Variants in ZNF3 observed in about 807,000 individuals in gnomAD.
The protein encoded by ZNF3 is zinc finger protein 3, also known as C2-H2 type zinc finger protein.
A neutral mutation model predicts 36.9 loss-of-function variants in ZNF3; 16 were observed. The ratio of observed to expected loss-of-function variants is 0.43; its 90% CI spans 0.29 to 0.66. The LOEUF (loss-of-function observed/expected upper bound fraction) is 0.66. Ranked by LOEUF, ZNF3 falls within the 30% of genes least tolerant of loss-of-function variation. The pLI is 0.13. For missense variants in ZNF3, 462 were observed against 543.1 expected, an observed-to-expected ratio of 0.85 and a Z score of 1.48; for synonymous variants, 201 against 201.9, an observed-to-expected ratio of 1.00 and a Z score of 0.04.
At chr7:100,082,575 A>G (rs1326366655), upstream of ZNF3, 3 of 151,224 alleles carry the variant, frequency 2.0e-5, no homozygotes, top group Non-Finnish European at 4.4e-5. Flanking sequence ...ACAGAGTGAG[A>G]CTGTCTCAAA....
rs924650324 is a variant in ZNF3 at position 100,070,078 on chromosome 7, G to A, written c.*1065C>T. On this transcript the variant is annotated 3_prime_UTR_variant, in exon 6 of 6. Coordinates refer to ENST00000299667, the MANE Select transcript of ZNF3 (RefSeq NM_032924.5). ...GTCATCCCGTCGGTTGGGAAAACTCGGGGAGTGCCATCCTCACCCAGCAAC... is the reference window on the plus strand; with the variant it reads ...GTCATCCCGTCGGTTGGGAAAACTCAGGGAGTGCCATCCTCACCCAGCAAC... 1.7e-5 allele frequency: 17 copies of A among 985,748 alleles called. No individual in the cohort carries two copies. The highest frequency in any genetic ancestry group is 5.2e-5 in the African/African-American group (3 of 57,246). The allele number at this position is 985,748 out of a possible 1,614,324, so 61.1% of individuals were successfully genotyped here. A position where few individuals can be genotyped will look rare whatever the true frequency, so the allele number is the denominator to read the frequency against.
Position 100,070,737 on chromosome 7 carries a change from C to T in ZNF3, c.*406G>A. 1 of 1,008,820 alleles carries T rather than the reference C, an allele frequency of 9.9e-7. No individual in the cohort carries two copies. The highest frequency in any genetic ancestry group is 1.2e-6 in the Non-Finnish European group (1 of 843,270). The allele number at this position is 1,008,820 out of a possible 1,614,324, so 62.5% of individuals were successfully genotyped here. ...CTTTGAAATAGTCTCCCTTTACCCT[C>T]CCTAGCAAATAACAGGACCCAGAGC... On this transcript the variant is annotated 3_prime_UTR_variant, in exon 6 of 6. Coordinates refer to ENST00000299667, the MANE Select transcript of ZNF3 (RefSeq NM_032924.5).
At position 100,064,350 on chromosome 7, in the gene ZNF3, G is replaced by A; in HGVS notation, c.*438C>T. On this transcript the variant is annotated 3_prime_UTR_variant, in exon 6 of 6. Coordinates refer to the ZNF3 transcript ENST00000413658. Reference sequence around the variant, plus strand: ...GTCACTATCGGATCCACACTGGGGAGAAGCCTTATCAGTGTAACGAATGTG... The same window carrying A: ...GTCACTATCGGATCCACACTGGGGAAAAGCCTTATCAGTGTAACGAATGTG... 1.9e-6 allele frequency: 3 copies of A among 1,614,192 alleles called. No homozygotes were observed. In the South Asian group the frequency reaches 3.3e-5, roughly 18 times the overall value.
In ZNF3 at chr7:100,070,569, A is replaced by T; in HGVS notation, c.*574T>A. ...GGCTGCTCCAAGAGCCCTAAAGGAC[A>T]CCATCATCACAGATGATGATTCTGG... On this transcript the variant is annotated 3_prime_UTR_variant, in exon 6 of 6. Transcript: ENST00000299667. 4 of 986,248 alleles carry T rather than the reference A, an allele frequency of 4.1e-6. No homozygotes were observed. Among genetic ancestry groups the T allele is most frequent in the Non-Finnish European group, 4.8e-6 (4 of 830,568 alleles). 61.1% of individuals were successfully genotyped at this position (986,248 alleles called of 1,614,324 possible). A position where few individuals can be genotyped will look rare whatever the true frequency, so the allele number is the denominator to read the frequency against.
chr7:100,070,370 A>G lies in ZNF3; in HGVS notation c.*773T>C, dbSNP rs1303799062. ...AATCATTTTCATCATTGGAGTGGGA[A>G]GAGGACAAGAGAGGACAGCAATCAG... On this transcript the variant is annotated 3_prime_UTR_variant, in exon 6 of 6. Coordinates refer to ENST00000299667, the MANE Select transcript of ZNF3 (RefSeq NM_032924.5). 1.0e-6 allele frequency: 1 copy of G among 985,312 alleles called. No individual in the cohort carries two copies. Among genetic ancestry groups the G allele is most frequent in the Non-Finnish European group, 1.2e-6 (1 of 829,964 alleles). The allele number at this position is 985,312 out of a possible 1,614,324, so 61.0% of individuals were successfully genotyped here.
chr7:100,068,438 C>T (rs1792756130), downstream of ZNF3, among the ~76,000 whole-genome samples: 1 of 151,938 alleles, frequency 6.6e-6, no homozygotes, highest in South Asian at 2.1e-4. Flanking sequence ...CTTTCGGAGG[C>T]CGAGGCAGGC....
At position 100,075,549 on chromosome 7, in the gene ZNF3, T is replaced by C. The variant is rs202044334; in HGVS notation, c.137A>G (p.Lys46Arg). 6.2e-7 allele frequency: 1 copy of C among 1,614,130 alleles called. No individual in the cohort carries two copies. Among genetic ancestry groups the C allele is most frequent in the African/African-American group, 1.3e-5 (1 of 75,038 alleles). ...AACGGAACCACAGCTCACCTGGGAC[T>C]TGGCCTTTAGGAGCGCAGCCGCCAA... ...EMLAAALLKA[K>R]SQELVTFEDV... The change falls in exon 4 of 6, where the codon AAG (lysine) becomes AGG (arginine). Residue 46 changes from lysine to arginine, a missense_variant. Lys to Arg is a conservative substitution (Grantham distance 26). Coordinates refer to ENST00000299667, the MANE Select transcript of ZNF3 (RefSeq NM_032924.5).
In ZNF3 at chr7:100,070,915, A is replaced by ACTGGTCCCAGAGCTGCTTT. The variant is rs1793027457; in HGVS notation, c.*209_*227dup. ...GCAAACTCCTTTCCTAAATGGGGTAACTGGTCCCAGAGCTGCTTTCTATTC... is the reference window on the plus strand; with the variant it reads ...GCAAACTCCTTTCCTAAATGGGGTAACTGGTCCCAGAGCTGCTTTCTGGTCCCAGAGCTGCTTTCTATTC... On this transcript the variant is annotated 3_prime_UTR_variant, in exon 6 of 6. Transcript: ENST00000299667. 6.8e-6 allele frequency: 9 copies of ACTGGTCCCAGAGCTGCTTT among 1,329,316 alleles called. No individual in the cohort carries two copies. The highest frequency in any genetic ancestry group is 7.7e-6 in the Non-Finnish European group (8 of 1,044,014). 82.3% of individuals were successfully genotyped at this position (1,329,316 alleles called of 1,614,324 possible). A position where few individuals can be genotyped will look rare whatever the true frequency, so the allele number is the denominator to read the frequency against.
downstream of ZNF3, chr7:100,065,112 T>C: frequency 1.2e-6 from 1 of 841,326 alleles, no homozygotes; most frequent in South Asian, 1.9e-5. Context: ...AAACTATTCC[T>C]ACTGGTTTAG....
Position 100,070,407 on chromosome 7 carries a change from A to C in ZNF3, c.*736T>G. 1 of 985,442 alleles carries C rather than the reference A, an allele frequency of 1.0e-6. No homozygotes were observed. Among genetic ancestry groups the C allele is most frequent in the Non-Finnish European group, 1.2e-6 (1 of 829,962 alleles). The allele number at this position is 985,442 out of a possible 1,614,324, so 61.0% of individuals were successfully genotyped here. The stretch of plus-strand genomic sequence containing the variant: ...AGGACAGCAATCAGAGGCCAACGCT[A>C]AGTGCTTCTGACCCTCTCCCTCACA... On this transcript the variant is annotated 3_prime_UTR_variant, in exon 6 of 6. Transcript: ENST00000299667.
chr7:100,064,084 A>C, exon 6 of ZNF3: 1 of 1,614,178 alleles, frequency 6.2e-7, no homozygotes, highest in Non-Finnish European at 8.5e-7. Context: ...CAAACACAGG[A>C]GAACACACAC....
chr7:100,071,520 T>C lies in ZNF3; in HGVS notation c.964A>G (p.Ser322Gly). 1 of 1,614,176 alleles carries C rather than the reference T, an allele frequency of 6.2e-7. No individual in the cohort carries two copies. Among genetic ancestry groups the C allele is most frequent in the Non-Finnish European group, 8.5e-7 (1 of 1,180,032 alleles). Residue 322 changes from serine to glycine, a missense_variant, in exon 6 of 6, where the codon AGC (serine) becomes GGC (glycine). Ser to Gly is a moderately conservative substitution (Grantham distance 56). Coordinates refer to ENST00000299667, the MANE Select transcript of ZNF3 (RefSeq NM_032924.5). Reference protein sequence around the residue: ...YACNECGKAFSRSSTLIHHQR... With the variant: ...YACNECGKAFGRSSTLIHHQR... ...TGGTGAATAAGGGTTGAGCTCCTGCTGAAGGCCTTCCCACATTCATTGCAG... is the reference window on the plus strand; with the variant it reads ...TGGTGAATAAGGGTTGAGCTCCTGCCGAAGGCCTTCCCACATTCATTGCAG...
intron 2 of ZNF3, chr7:100,079,002 G>A (rs774569410): frequency 2.6e-5 from 4 of 152,186 alleles, no homozygotes; most frequent in East Asian, 1.9e-4. Context: ...TCTGGTCTTC[G>A]GGTAGCAGGG....
chr7:100,080,993 T>A lies in ZNF3; in HGVS notation c.-198+642A>T, dbSNP rs548300838. Among the ~76,000 whole-genome samples the A allele has an allele frequency of 1.8e-3, 273 of 152,108 alleles. 1 individual carries two copies. The highest frequency in any genetic ancestry group is 6.8e-3 in the Middle Eastern group (2 of 294). ...ATCACTCTGCTATCTTCTCCTGGAG[T>A]TTACAAAAGCCCTTCAGAGTGTAAA... On this transcript the variant is annotated intron_variant, in intron 1 of 5. Coordinates refer to ENST00000299667, the MANE Select transcript of ZNF3 (RefSeq NM_032924.5).
At chr7:100,068,321 C>G (rs1021277636), downstream of ZNF3, among the ~76,000 whole-genome samples, 1 of 151,556 alleles carries the variant, frequency 6.6e-6, no homozygotes, top group Non-Finnish European at 1.5e-5. Context: ...ACCTCGTGAT[C>G]CGCCCGCCTT....
upstream of ZNF3, chr7:100,082,408 A>AC (rs1208774527): frequency 6.6e-6 from 1 of 152,124 alleles, no homozygotes; most frequent in Non-Finnish European, 1.5e-5. Context: ...ACATGGCGAA[A>AC]CCCCGTCTCG....
At position 100,071,359 on chromosome 7, in the gene ZNF3, T is replaced by C; in HGVS notation, c.1125A>G (p.Gly375=). 6.2e-7 allele frequency: 1 copy of C among 1,614,102 alleles called. No homozygotes were observed. Among genetic ancestry groups the C allele is most frequent in the African/African-American group, 1.3e-5 (1 of 75,016 alleles). Residue 375 remains glycine (G), a synonymous_variant, in exon 6 of 6, where the codon GGA becomes GGG. Transcript: ENST00000299667. ...TAAGGCCTGAACTGTAGGTAAACTT[T>C]CCTCCACATTCCATACATTCGTAGG... ...EKPYECMECG[G]KFTYSSGLIQ...
rs1793267718 is a variant in ZNF3 at position 100,072,098 on chromosome 7, G to T, written c.386C>A (p.Ala129Asp). ...DISQGLKFKEAYEREVSLKRP... is the reference protein window; with the variant it reads ...DISQGLKFKEDYEREVSLKRP... ...TTTCAGACTGACTTCTCGTTCATAG[G>T]CTTCTTTAAACTTGAGACCCTGAGA... Residue 129 changes from alanine (A) to aspartate (D), a missense_variant, in exon 6 of 6, where the codon GCC becomes GAC. Ala to Asp is a moderately radical substitution (Grantham distance 126). Coordinates refer to ENST00000299667, the MANE Select transcript of ZNF3 (RefSeq NM_032924.5). The T allele has an allele frequency of 1.9e-6, 3 of 1,614,034 alleles. No homozygotes were observed. Among genetic ancestry groups the T allele is most frequent in the Middle Eastern group, 1.6e-4 (1 of 6,084 alleles).
downstream of ZNF3, among the ~76,000 whole-genome samples, chr7:100,068,400 G>A (rs187353137): frequency 7.4e-4 from 113 of 152,056 alleles, no homozygotes; most frequent in African/African-American, 1.8e-3. Context: ...TAGGCTGGGC[G>A]TAGTGGCACA....
Sources: allele counts gnomAD v4.1 joint callset (sites outside exome capture counted in the v4.1 genomes callset), GRCh38; gene constraint gnomAD v4.1.1; transcripts MANE v1.5; gene names NCBI Gene and HGNC (gene_info 2026-07-23, HGNC 2026-07-21).